Variants in VRK2 observed in about 807,000 individuals in gnomAD.
VRK2 encodes the protein VRK serine/threonine kinase 2.
Under a neutral mutation model 57.6 loss-of-function variants are expected in VRK2, and 60 were observed. The ratio of observed to expected loss-of-function variants is 1.04; its 90% CI spans 0.85 to 1.29. VRK2 has a LOEUF of 1.29. Ranked by LOEUF, VRK2 falls within the 50% of genes most tolerant of loss-of-function variation. VRK2 has a pLI of 0.00. For missense variants in VRK2, 705 were observed against 588.1 expected (o/e 1.20, Z -2.06); for synonymous variants, 231 against 199.2 (o/e 1.16, Z -1.35).
chr2:57,983,161 T>C (rs1672484947), intron 1 of VRK2, among the ~76,000 whole-genome samples: 1 of 152,192 alleles, frequency 6.6e-6, no homozygotes, highest in Admixed American at 6.5e-5. Flanking sequence ...GTTCAGAGTA[T>C]GCTGATCTAC....
chr2:58,115,882 G>T (rs1676390054), intron 7 of VRK2, among the ~76,000 whole-genome samples: 1 of 152,174 alleles, frequency 6.6e-6, no homozygotes, highest in African/African-American at 2.4e-5. Context: ...GGGTGCAAAG[G>T]AATAGTAAAG....
At chr2:57,938,769 G>A (rs1670999984) in intron 1 of VRK2, among the ~76,000 whole-genome samples, 1 of 152,086 alleles carries the variant, frequency 6.6e-6, no homozygotes, top group African/African-American at 2.4e-5. Flanking sequence ...GATGAGAGAT[G>A]TATGCATATA....
intron 7 of VRK2, among the ~76,000 whole-genome samples, chr2:58,103,306 AAAAG>A (rs1674283854): frequency 6.6e-6 from 1 of 151,548 alleles, no homozygotes; most frequent in South Asian, 2.1e-4. Flanking sequence ...CAACAAAATG[AAAAG>A]TTTGTTCTTT....
At chr2:58,130,824 T>G (rs983269507) in intron 8 of VRK2, among the ~76,000 whole-genome samples, 1 of 152,154 alleles carries the variant, frequency 6.6e-6, no homozygotes, top group African/African-American at 2.4e-5. Flanking sequence ...TTATAACAAT[T>G]TTGAATGACT....
At chr2:58,092,907 T>C (rs1377010828) in intron 7 of VRK2, among the ~76,000 whole-genome samples, 1 of 152,130 alleles carries the variant, frequency 6.6e-6, no homozygotes, top group East Asian at 1.9e-4. Context: ...AGTAAGAACA[T>C]GCGGTGTTTG....
At chr2:58,033,873 G>T (rs917604767) in intron 3 of VRK2, among the ~76,000 whole-genome samples, 1 of 151,702 alleles carries the variant, frequency 6.6e-6, no homozygotes, top group Non-Finnish European at 1.5e-5. Flanking sequence ...TTGTTTTATG[G>T]CCAAAAAGAA....
chr2:57,912,627 T>C (rs778117606), intron 1 of VRK2, among the ~76,000 whole-genome samples: 18 of 152,158 alleles, frequency 1.2e-4, no homozygotes, highest in Non-Finnish European at 2.1e-4. Flanking sequence ...GAGTTTCTTA[T>C]GGTTTAGTTG....
intron 1 of VRK2, among the ~76,000 whole-genome samples, chr2:57,927,899 G>C (rs770080462): frequency 6.6e-6 from 1 of 152,142 alleles, no homozygotes; most frequent in African/African-American, 2.4e-5. Flanking sequence ...TCCACTAAAA[G>C]TCTGCTGCCA....
intron 2 of VRK2, among the ~76,000 whole-genome samples, chr2:58,029,456 G>C (rs1406512323): frequency 6.6e-6 from 1 of 152,042 alleles, no homozygotes; most frequent in Non-Finnish European, 1.5e-5. Flanking sequence ...GTAGAAACAA[G>C]GTTTGACTTT....
chr2:58,022,163 C>T (rs918126490), intron 1 of VRK2, among the ~76,000 whole-genome samples: 5 of 152,166 alleles, frequency 3.3e-5, no homozygotes, highest in African/African-American at 1.2e-4. Flanking sequence ...ATCATGAGGT[C>T]AGGCTCACAA....
intron 7 of VRK2, among the ~76,000 whole-genome samples, chr2:58,094,035 G>A (rs1672767076): frequency 6.6e-6 from 1 of 152,108 alleles, no homozygotes; most frequent in African/African-American, 2.4e-5. Flanking sequence ...TCTCTGTTTT[G>A]GTACCAGTAC....
chr2:58,097,320 A>G (rs1031721742), intron 7 of VRK2, among the ~76,000 whole-genome samples: 1 of 151,948 alleles, frequency 6.6e-6, no homozygotes, highest in African/African-American at 2.4e-5. Context: ...TTTTTTAAAT[A>G]AAAATTATTG....
chr2:58,155,917 G>GTTTT (rs1395049481), intron 12 of VRK2, among the ~76,000 whole-genome samples: 90 of 134,434 alleles, frequency 6.7e-4, no homozygotes, highest in African/African-American at 2.3e-3. Flanking sequence ...TGTTTTTCAT[G>GTTTT]TTTGTTTTTT....
chr2:58,150,565 T>G (rs1246026944), intron 12 of VRK2, among the ~76,000 whole-genome samples: 6 of 149,910 alleles, frequency 4.0e-5, no homozygotes, highest in South Asian at 2.1e-4. Context: ...TTTTTTAGTT[T>G]TTTTTTTTTT....
At chr2:57,975,370 C>T (rs1338165955) in intron 1 of VRK2, among the ~76,000 whole-genome samples, 1 of 152,002 alleles carries the variant, frequency 6.6e-6, no homozygotes, top group Non-Finnish European at 1.5e-5. Flanking sequence ...ACTCTATAGA[C>T]TTTTTATATT....
chr2:58,089,566 A>C lies in VRK2; in HGVS notation c.451-65A>C, dbSNP rs1467113981. 9.0e-6 allele frequency: 9 copies of C among 998,524 alleles called. No individual in the cohort carries two copies. The East Asian group carries it at 2.3e-4, about 26-fold the overall frequency. The allele number at this position is 998,524 out of a possible 1,614,324, so 61.9% of individuals were successfully genotyped here. ...AAAACCCATGTTATTCTATATTCAA[A>C]ATGTTGAAATTGATCATGAGTTCTA... On this transcript the variant is annotated intron_variant, in intron 6 of 12. Coordinates refer to ENST00000340157, the MANE Select transcript of VRK2 (RefSeq NM_006296.7).
intron 9 of VRK2, among the ~76,000 whole-genome samples, chr2:58,132,293 G>A (rs1045993325): frequency 2.6e-5 from 4 of 152,100 alleles, no homozygotes; most frequent in Non-Finnish European, 4.4e-5. Flanking sequence ...TATTAACTGT[G>A]TAAAACAGCA....
intron 2 of VRK2, among the ~76,000 whole-genome samples, chr2:58,068,444 C>T (rs903188681): frequency 1.6e-4 from 24 of 152,050 alleles, no homozygotes; most frequent in Non-Finnish European, 2.8e-4. Flanking sequence ...ACTCTGGCTG[C>T]TTTCAAGATT....
chr2:57,923,379 T>C (rs989238891), intron 1 of VRK2, among the ~76,000 whole-genome samples: 2 of 152,098 alleles, frequency 1.3e-5, no homozygotes, highest in Admixed American at 1.3e-4. Flanking sequence ...CTCCACATCC[T>C]CACCAGTATT....
Sources: allele counts gnomAD v4.1 joint callset (sites outside exome capture counted in the v4.1 genomes callset), GRCh38; gene constraint gnomAD v4.1.1; transcripts MANE v1.5; gene names NCBI Gene and HGNC (gene_info 2026-07-23, HGNC 2026-07-21).